The following SGIP1 variants were observed in gnomAD, a reference collection of about 807,000 sequenced individuals.
SGIP1 encodes SH3GL interacting endocytic adaptor 1, also known as SH3-containing GRB2-like protein 3-interacting protein 1.
In SGIP1, 38 loss-of-function variants were observed where a neutral mutation model predicts 107.5. The observed-to-expected ratio is 0.35, with a 90% CI of 0.27 to 0.46. The LOEUF (loss-of-function observed/expected upper bound fraction) is 0.46, where lower values mean the gene tolerates loss of function less well. Among genes scored for constraint, SGIP1 ranks in the 20% least tolerant of loss-of-function variants. The pLI is 1.00. For missense variants in SGIP1, 929 were observed against 1,019.5 expected (o/e 0.91, Z 1.21); for synonymous variants, 365 against 366.1 (o/e 1.00, Z 0.03).
chr1:66,582,679 A>C (rs1196328232), intron 1 of SGIP1, among the ~76,000 whole-genome samples: 1 of 152,012 alleles, frequency 6.6e-6, no homozygotes, highest in Non-Finnish European at 1.5e-5. Context: ...TGATTCATAA[A>C]TATCTGAATT....
intron 1 of SGIP1, among the ~76,000 whole-genome samples, chr1:66,590,262 A>G (rs966063523): frequency 6.6e-6 from 1 of 152,178 alleles, no homozygotes; most frequent in Non-Finnish European, 1.5e-5. Context: ...CTTACTTTGG[A>G]GATAAAAACA....
chr1:66,639,842 C>A lies in SGIP1; in HGVS notation c.228+9C>A. ...TTGATTGGGAAAGATATGTGAGTAT[C>A]AGAAGAGTGTTTCTCTTTATTAAGT... On this transcript the variant is annotated intron_variant, in intron 5 of 24. Transcript: ENST00000371037. The A allele has an allele frequency of 6.2e-7, 1 of 1,606,446 alleles. No homozygotes were observed. Among genetic ancestry groups the A allele is most frequent in the South Asian group, 1.1e-5 (1 of 90,476 alleles).
At chr1:66,729,722 A>G (rs1053068807) in intron 20 of SGIP1, among the ~76,000 whole-genome samples, 5 of 152,244 alleles carry the variant, frequency 3.3e-5, no homozygotes, top group East Asian at 1.9e-4. Flanking sequence ...TTTACTCATT[A>G]TCAACAGACA....
intron 1 of SGIP1, among the ~76,000 whole-genome samples, chr1:66,586,258 A>G (rs1483598196): frequency 2.6e-5 from 4 of 152,136 alleles, no homozygotes. Flanking sequence ...TGTACACATT[A>G]TATAGATGGG....
At chr1:66,610,047 A>G (rs1453295479) in intron 1 of SGIP1, among the ~76,000 whole-genome samples, 1 of 152,206 alleles carries the variant, frequency 6.6e-6, no homozygotes, top group East Asian at 1.9e-4. Context: ...CGCTGAGCCA[A>G]ATTTCAGCTA....
At chr1:66,737,169 A>G (rs17129402) in intron 21 of SGIP1, among the ~76,000 whole-genome samples, 2,667 of 152,254 alleles carry the variant, frequency 0.018, 89 homozygotes, top group African/African-American at 0.061. Flanking sequence ...TTCGAGGCAG[A>G]AGTTAACTTT....
At chr1:66,739,835 C>A (rs74485800) in intron 22 of SGIP1, among the ~76,000 whole-genome samples, 1 of 152,172 alleles carries the variant, frequency 6.6e-6, no homozygotes, top group African/African-American at 2.4e-5. Context: ...AGAAGGCTAC[C>A]GGTAGAACCA....
At chr1:66,683,227 C>A (rs140114019) in intron 15 of SGIP1, among the ~76,000 whole-genome samples, 1 of 152,298 alleles carries the variant, frequency 6.6e-6, no homozygotes, top group Non-Finnish European at 1.5e-5. Flanking sequence ...TCCACTGTTG[C>A]CCAAATTTGT....
chr1:66,729,504 G>T (rs2093911296), intron 20 of SGIP1, 85 bp downstream of exon 20: 1 of 1,498,174 alleles, frequency 6.7e-7, no homozygotes, highest in Non-Finnish European at 9.1e-7. Context: ...TTAGCAACAG[G>T]GTCGCACTAT....
At chr1:66,667,141 C>T (rs2082737352) in intron 8 of SGIP1, among the ~76,000 whole-genome samples, 1 of 152,162 alleles carries the variant, frequency 6.6e-6, no homozygotes, top group African/African-American at 2.4e-5. Flanking sequence ...TAACATCCAG[C>T]TCTGTAGGGA....
rs567328056 is a variant in SGIP1 at position 66,687,458 on chromosome 1, A to G, written c.1316-1690A>G. ...TGTCAAAACATACCTTTTTTTTTTAAGAGAAGACTAGCCAAAGACTAAAAA... is the reference window on the plus strand; with the variant it reads ...TGTCAAAACATACCTTTTTTTTTTAGGAGAAGACTAGCCAAAGACTAAAAA... On this transcript the variant is annotated intron_variant, in intron 15 of 24. Coordinates refer to ENST00000371037, the MANE Select transcript of SGIP1 (RefSeq NM_032291.4). Among the ~76,000 whole-genome samples, 14 of 152,002 alleles carry G rather than the reference A, an allele frequency of 9.2e-5. No homozygotes were observed. In the East Asian group the frequency reaches 2.7e-3, roughly 29 times the overall value.
chr1:66,733,946 T>G, intron 21 of SGIP1, 66 bp downstream of exon 21: 1 of 1,507,050 alleles, frequency 6.6e-7, no homozygotes. Flanking sequence ...GTACCTACTA[T>G]TGAATAAAAG....
intron 1 of SGIP1, among the ~76,000 whole-genome samples, chr1:66,565,962 C>G (rs998935421): frequency 6.6e-6 from 1 of 151,994 alleles, no homozygotes; most frequent in South Asian, 2.1e-4. Context: ...TCATCTCATT[C>G]TCATTTGCCA....
At chr1:66,584,073 T>C (rs2062198209) in intron 1 of SGIP1, among the ~76,000 whole-genome samples, 1 of 152,106 alleles carries the variant, frequency 6.6e-6, no homozygotes, top group Admixed American at 6.6e-5. Context: ...TTGCTTTTAT[T>C]TATCTTTGAA....
At chr1:66,535,786 A>G (rs986519322) in intron 1 of SGIP1, among the ~76,000 whole-genome samples, 2 of 152,206 alleles carry the variant, frequency 1.3e-5, no homozygotes, top group Non-Finnish European at 2.9e-5. Context: ...TTTGAATAAC[A>G]AGGCAAGACA....
chr1:66,565,719 A>G (rs1466817490), intron 1 of SGIP1, among the ~76,000 whole-genome samples: 2 of 152,140 alleles, frequency 1.3e-5, no homozygotes, highest in African/African-American at 2.4e-5. Context: ...TCGCTCCTCT[A>G]AGTTAAATAA....
At chr1:66,572,297 C>T (rs1047514104) in intron 1 of SGIP1, among the ~76,000 whole-genome samples, 4 of 152,000 alleles carry the variant, frequency 2.6e-5, no homozygotes, top group African/African-American at 9.7e-5. Context: ...CAGAAATATG[C>T]TAATATTTCA....
chr1:66,578,039 TTAAAAAATTTACCTC>T (rs1352616238), intron 1 of SGIP1, among the ~76,000 whole-genome samples: 1 of 152,204 alleles, frequency 6.6e-6, no homozygotes, highest in African/African-American at 2.4e-5. Flanking sequence ...GTGTGACTTT[TTAAAAAATTTACCTC>T]TTGCAGAGAT....
chr1:66,615,183 G>A (rs2068959091), intron 1 of SGIP1, among the ~76,000 whole-genome samples: 1 of 151,988 alleles, frequency 6.6e-6, no homozygotes, highest in African/African-American at 2.4e-5. Context: ...TGCCCAGGCT[G>A]GAGTGCAATG....
Sources: allele counts gnomAD v4.1 joint callset (sites outside exome capture counted in the v4.1 genomes callset), GRCh38; gene constraint gnomAD v4.1.1; transcripts MANE v1.5; gene names NCBI Gene and HGNC (gene_info 2026-07-23, HGNC 2026-07-21).